LMOD1: variants seen among roughly 807,000 people sequenced by gnomAD.
LMOD1 encodes leiomodin 1, also known as leiomodin-1.
LMOD1 carries 8 observed loss-of-function variants against 36.5 expected under a neutral mutation model. That is an observed-to-expected ratio of 0.22 (90% CI 0.13 to 0.40). The LOEUF (loss-of-function observed/expected upper bound fraction) is 0.40, where lower values mean the gene tolerates loss of function less well. LMOD1 is among the 10% of genes least tolerant of loss of function. The pLI is 1.00. For synonymous variants in LMOD1, 284 were observed against 288.7 expected, an observed-to-expected ratio of 0.98 and a Z score of 0.17; for missense variants, 630 against 751.1, an observed-to-expected ratio of 0.84 and a Z score of 1.88.
rs1681216957 is a variant in LMOD1 at position 201,897,579 on chromosome 1, G to A, written c.*793C>T. ...ACCTGAGCTTCTAGAGTCCTCCAGG[G>A]AGCCCAGGGTTAGGATCAGGACTCA... is the stretch of plus-strand genomic sequence containing the variant. On this transcript the variant is annotated 3_prime_UTR_variant, in exon 3 of 3. Transcript: ENST00000367288. The A allele has an allele frequency of 6.5e-6, 1 of 152,716 alleles. No individual in the cohort carries two copies. Among genetic ancestry groups the A allele is most frequent in the Non-Finnish European group, 1.5e-5 (1 of 68,128 alleles). 9.5% of individuals were successfully genotyped at this position (152,716 alleles called of 1,614,324 possible).
Position 201,899,139 on chromosome 1 carries a change from A to G in LMOD1, c.1776+98T>C. The stretch of plus-strand genomic sequence containing the variant: ...TGGGAGTCTATATCATCTGCAGCCG[A>G]CATAAGCTCCTCTGCATGCCTTCCC... On this transcript the variant is annotated intron_variant, in intron 2 of 2. Coordinates refer to ENST00000367288, the MANE Select transcript of LMOD1 (RefSeq NM_012134.3). This position sits in a 1 kb window ranked among gnomAD's most constrained non-coding sequence, Gnocchi z 6.3. 8.8e-7 allele frequency: 1 copy of G among 1,132,734 alleles called. No individual in the cohort carries two copies. The highest frequency in any genetic ancestry group is 1.6e-5 in the African/African-American group (1 of 63,750). The allele number at this position is 1,132,734 out of a possible 1,614,324, so 70.2% of individuals were successfully genotyped here.
At chr1:201,921,362 C>G (rs1681699639) in intron 1 of LMOD1, among the ~76,000 whole-genome samples, 1 of 151,452 alleles carries the variant, frequency 6.6e-6, no homozygotes, top group Non-Finnish European at 1.5e-5. Context: ...GTGGTGCGAG[C>G]CTGCAGTCCC....
chr1:201,936,966 A>AAAAAAAAAGAAT (rs1682030588), intron 1 of LMOD1, among the ~76,000 whole-genome samples: 1 of 151,648 alleles, frequency 6.6e-6, no homozygotes, highest in Non-Finnish European at 1.5e-5. Flanking sequence ...CTCAAATGTC[A>AAAAAAAAAGAAT]CCTCTTTTGG....
chr1:201,925,184 C>G (rs1681806403), intron 1 of LMOD1, among the ~76,000 whole-genome samples: 1 of 151,774 alleles, frequency 6.6e-6, no homozygotes, highest in Non-Finnish European at 1.5e-5. Context: ...TGTACTCCAG[C>G]CTGGGCTACA....
chr1:201,899,477 T>G lies in LMOD1; in HGVS notation c.1536A>C (p.Ser512=). The G allele has an allele frequency of 1.9e-6, 3 of 1,613,838 alleles. No homozygotes were observed. Among genetic ancestry groups the G allele is most frequent in the Non-Finnish European group, 1.7e-6 (2 of 1,179,842 alleles). ...GAVAKGSPKP[S]PQPSPKPSPK... ...GAGAGGGCTTTGGAGATGGTTGAGG[T>G]GAAGGTTTTGGGGAGCCCTTAGCCA... The change falls in exon 2 of 3, where the codon TCA becomes TCC. Residue 512 remains serine (S), a synonymous_variant. Coordinates refer to ENST00000367288, the MANE Select transcript of LMOD1 (RefSeq NM_012134.3). This position sits in a 1 kb window ranked among gnomAD's most constrained non-coding sequence, Gnocchi z 6.3.
intron 1 of LMOD1, among the ~76,000 whole-genome samples, chr1:201,920,798 G>A (rs1346001749): frequency 6.6e-6 from 1 of 152,134 alleles, no homozygotes; most frequent in African/African-American, 2.4e-5. Flanking sequence ...GGAAGCCAAG[G>A]CAGGAGGCTT....
intron 1 of LMOD1, among the ~76,000 whole-genome samples, chr1:201,903,347 C>T (rs922197900): frequency 6.6e-6 from 1 of 152,312 alleles, no homozygotes; most frequent in East Asian, 1.9e-4. Flanking sequence ...TCCTGCCCTG[C>T]AGGCCCCAAG....
rs551463146 is a variant in LMOD1, at chr1:201,914,658, C to T, written c.262-13907G>A. 2.1e-3 allele frequency among the ~76,000 whole-genome samples: 320 copies of T among 152,196 alleles called. 1 individual carries two copies. Among genetic ancestry groups the T allele is most frequent in the Non-Finnish European group, 4.1e-3 (278 of 68,004 alleles). ...TTCCCAGGCAGACAGAGGAAACAAC[C>T]CATGGCAATTCTCCAACTTCCTGCC... On this transcript the variant is annotated intron_variant, in intron 1 of 2. Coordinates refer to ENST00000367288, the MANE Select transcript of LMOD1 (RefSeq NM_012134.3).
chr1:201,908,568 C>T (rs1332462022), intron 1 of LMOD1, among the ~76,000 whole-genome samples: 2 of 152,120 alleles, frequency 1.3e-5, no homozygotes, highest in African/African-American at 4.8e-5. Context: ...CACAGAATTC[C>T]TAATTTGGGG....
chr1:201,896,934 G>A lies in LMOD1; in HGVS notation c.*1438C>T, dbSNP rs1032884978. ...AGATGGTGAAACTGCTGTGCCTCCT[G>A]CTGTTGAGGCAACCTGGAGGCAGAG... is the stretch of plus-strand genomic sequence containing the variant. On this transcript the variant is annotated 3_prime_UTR_variant, in exon 3 of 3. Transcript: ENST00000367288. 8.6e-6 allele frequency: 3 copies of A among 350,716 alleles called. No homozygotes were observed. Among genetic ancestry groups the A allele is most frequent in the Non-Finnish European group, 1.7e-5 (3 of 176,212 alleles). 21.7% of individuals were successfully genotyped at this position (350,716 alleles called of 1,614,324 possible).
intron 1 of LMOD1, among the ~76,000 whole-genome samples, chr1:201,917,087 T>C (rs1681625233): frequency 6.6e-6 from 1 of 152,174 alleles, no homozygotes; most frequent in African/African-American, 2.4e-5. Context: ...AGAAACCTTC[T>C]GGAAAAGACA....
At chr1:201,923,336 C>G (rs573913437) in intron 1 of LMOD1, among the ~76,000 whole-genome samples, 3 of 152,088 alleles carry the variant, frequency 2.0e-5, no homozygotes, top group Admixed American at 2.0e-4. Flanking sequence ...AGATGCATCT[C>G]CCATTCAGAT....
rs909588874 is a variant in LMOD1 at position 201,941,681 on chromosome 1, G to C, written c.261+4399C>G. Among the ~76,000 whole-genome samples, 2 of 152,240 alleles carry C rather than the reference G, an allele frequency of 1.3e-5. 1 individual carries two copies. Among genetic ancestry groups the C allele is most frequent in the South Asian group, 4.1e-4 (2 of 4,830 alleles). ...GGACACTGAGCTGTGAACTAGAACC[G>C]ATGGGGGAGGGGGCTGCTGAGGCTG... On this transcript the variant is annotated intron_variant, in intron 1 of 2. Coordinates refer to ENST00000367288, the MANE Select transcript of LMOD1 (RefSeq NM_012134.3).
intron 1 of LMOD1, among the ~76,000 whole-genome samples, chr1:201,920,423 T>C (rs902736800): frequency 6.6e-6 from 1 of 152,092 alleles, no homozygotes; most frequent in Non-Finnish European, 1.5e-5. Context: ...ACAGGGTCAA[T>C]ACAACTCCTA....
intron 1 of LMOD1, among the ~76,000 whole-genome samples, chr1:201,928,245 G>A (rs1177144789): frequency 2.0e-5 from 3 of 152,116 alleles, no homozygotes; most frequent in Non-Finnish European, 4.4e-5. Flanking sequence ...GGACTAAGAC[G>A]GGGGAATTGA....
intron 1 of LMOD1, among the ~76,000 whole-genome samples, chr1:201,916,709 G>C (rs966667298): frequency 6.6e-6 from 1 of 152,154 alleles, no homozygotes; most frequent in African/African-American, 2.4e-5. Flanking sequence ...CCCCGTCACT[G>C]TGCTCAGTCT....
At chr1:201,920,055 T>C (rs1681677445) in intron 1 of LMOD1, among the ~76,000 whole-genome samples, 2 of 128,954 alleles carry the variant, frequency 1.6e-5, no homozygotes, top group African/African-American at 5.7e-5. Context: ...CTTTTTTTTT[T>C]TTTTTTTTTT....
At chr1:201,902,597 C>T (rs1681349343) in intron 1 of LMOD1, among the ~76,000 whole-genome samples, 1 of 152,170 alleles carries the variant, frequency 6.6e-6, no homozygotes, top group South Asian at 2.1e-4. Context: ...CAGGTGCACA[C>T]TACCATGCCC....
intron 1 of LMOD1, among the ~76,000 whole-genome samples, chr1:201,919,860 G>A (rs1453004176): frequency 6.6e-6 from 1 of 152,052 alleles, no homozygotes; most frequent in Non-Finnish European, 1.5e-5. Context: ...CAGGCCTCCA[G>A]GGAGCCACCA....
Sources: allele counts gnomAD v4.1 joint callset (sites outside exome capture counted in the v4.1 genomes callset), GRCh38; gene constraint gnomAD v4.1.1; non-coding constraint Gnocchi (gnomAD v3.1); transcripts MANE v1.5; gene names NCBI Gene and HGNC (gene_info 2026-07-23, HGNC 2026-07-21).